The following ADM variants were observed in gnomAD, a reference collection of about 807,000 sequenced individuals.
ADM encodes pro-adrenomedullin.
Under a neutral mutation model 9.0 loss-of-function variants are expected in ADM, and 4 were observed. The observed-to-expected ratio is 0.44, with a 90% CI of 0.22 to 1.02. The LOEUF is 1.02. ADM is among the 50% of genes least tolerant of loss of function. The pLI is 0.24. For synonymous variants in ADM, 107 were observed against 107.2 expected (o/e 1.00, Z 0.01); for missense variants, 253 against 254.1 (o/e 1.00, Z 0.03).
chr11:10,305,654 G>T (rs1964645494), intron 1 of ADM, 26 bp from the exon 2 acceptor site: 4 of 1,593,066 alleles, frequency 2.5e-6, no homozygotes, highest in Middle Eastern at 1.7e-4. Context: ...GGGTGCTCAC[G>T]CTCGACTCTC....
chr11:10,306,211 A>G, intron 3 of ADM, 113 bp downstream of exon 3: 1 of 1,536,682 alleles, frequency 6.5e-7, no homozygotes. Context: ...CGCAGCTCAG[A>G]TGGCGCGAGC....
At position 10,306,711 on chromosome 11, in the gene ADM, T is replaced by A. The variant is rs1036867976; in HGVS notation, c.*70T>A. The A allele has an allele frequency of 2.8e-6, 4 of 1,448,570 alleles. No individual in the cohort carries two copies. Among genetic ancestry groups the A allele is most frequent in the Non-Finnish European group, 3.7e-6 (4 of 1,085,730 alleles). The allele number at this position is 1,448,570 out of a possible 1,614,324, so 89.7% of individuals were successfully genotyped here. A position where few individuals can be genotyped will look rare whatever the true frequency, so the allele number is the denominator to read the frequency against. On this transcript the variant is annotated 3_prime_UTR_variant, in exon 4 of 4. Coordinates refer to ENST00000278175, the MANE Select transcript of ADM (RefSeq NM_001124.3). ...GCTGGTGCCTCCCGGGACGAAGGAC[T>A]TCCCGAGCGGTGTGGGGACCGGGCT...
At position 10,305,529 on chromosome 11, in the gene ADM, C is replaced by A. The variant is rs1964643464; in HGVS notation, c.-21-151C>A. On this transcript the variant is annotated intron_variant, in intron 1 of 3. Coordinates refer to ENST00000278175, the MANE Select transcript of ADM (RefSeq NM_001124.3). ...GGCCGGCGCGTGCAAACGCCTCTGG[C>A]GCCTCTCTGCGCGGAGGGAGATAAG... The A allele has an allele frequency of 7.7e-6, 5 of 651,608 alleles. No individual in the cohort carries two copies. In the South Asian group the frequency reaches 9.8e-5, roughly 13 times the overall value. The allele number at this position is 651,608 out of a possible 1,614,324, so 40.4% of individuals were successfully genotyped here.
Position 10,306,700 on chromosome 11 carries a change from G to GGACGAAGGACTTCCCGA in ADM, c.*61_*77dup. 1 of 1,473,096 alleles carries GGACGAAGGACTTCCCGA rather than the reference G, an allele frequency of 6.8e-7. No homozygotes were observed. The highest frequency in any genetic ancestry group is 9.0e-7 in the Non-Finnish European group (1 of 1,105,512). The allele number at this position is 1,473,096 out of a possible 1,614,324, so 91.3% of individuals were successfully genotyped here. On this transcript the variant is annotated 3_prime_UTR_variant, in exon 4 of 4. Coordinates refer to ENST00000278175, the MANE Select transcript of ADM (RefSeq NM_001124.3). Reference sequence around the variant, plus strand: ...GCAAGCATCCCGCTGGTGCCTCCCGGGACGAAGGACTTCCCGAGCGGTGTG... The same window carrying GGACGAAGGACTTCCCGA: ...GCAAGCATCCCGCTGGTGCCTCCCGGGACGAAGGACTTCCCGAGACGAAGGACTTCCCGAGCGGTGTG...
chr11:10,305,554 G>A (rs930603527), intron 1 of ADM, 126 bp from the exon 2 acceptor site: 17 of 736,544 alleles, frequency 2.3e-5, no homozygotes, highest in Non-Finnish European at 3.5e-5. Flanking sequence ...AGGGAGATAA[G>A]CGTCTGAGCC....
rs781581911 is a variant in ADM, at chr11:10,305,911, C to T, written c.99-38C>T. On this transcript the variant is annotated intron_variant, in intron 2 of 3. Coordinates refer to ENST00000278175, the MANE Select transcript of ADM (RefSeq NM_001124.3). Reference sequence around the variant, plus strand: ...GAGCAGGGACAGGCCTGGGCGTCACCTGAACGCACGCGAATCGGGTCTGCT... The same window carrying T: ...GAGCAGGGACAGGCCTGGGCGTCACTTGAACGCACGCGAATCGGGTCTGCT... The T allele has an allele frequency of 3.1e-6, 5 of 1,612,872 alleles. No homozygotes were observed. The South Asian group carries it at 5.5e-5, about 18-fold the overall frequency.
intron 1 of ADM, 146 bp from the exon 2 acceptor site, chr11:10,305,534 C>G: frequency 1.5e-6 from 1 of 674,808 alleles, no homozygotes. Flanking sequence ...TCTGGCGCCT[C>G]TCTGCGCGGA....
chr11:10,305,395 C>T, intron 1 of ADM, 166 bp downstream of exon 1: 1 of 420,146 alleles, frequency 2.4e-6, no homozygotes, highest in Non-Finnish European at 4.4e-6. Flanking sequence ...AGCTGGAGGT[C>T]CAGAGACCCA....
chr11:10,305,839 A>G (rs750438031), intron 2 of ADM, 41 bp downstream of exon 2: 2 of 1,612,206 alleles, frequency 1.2e-6, no homozygotes, highest in African/African-American at 2.7e-5. Flanking sequence ...GGTACCTGGC[A>G]GGCAAGGGGA....
Position 10,306,056 on chromosome 11 carries a change from G to A in ADM, c.206G>A (p.Arg69Gln), listed in dbSNP as rs771734789. ...GCCGGGCCTGCCCAGACCCTTATTC[G>A]GCCCCAGGACATGAAGGGTGCCTCT... ...VKAGPAQTLI[R>Q]PQDMKGASRS... is the part of the protein sequence containing the mutation. Residue 69 changes from arginine to glutamine, a missense_variant, in exon 3 of 4, where the codon CGG becomes CAG. By Grantham distance (43) the Arg-to-Gln change is conservative. Transcript: ENST00000278175. The A allele has an allele frequency of 4.3e-6, 7 of 1,613,900 alleles. No individual in the cohort carries two copies. In the East Asian group the frequency reaches 1.1e-4, roughly 26 times the overall value.
Position 10,306,740 on chromosome 11 carries a change from A to T in ADM, c.*99A>T, listed in dbSNP as rs890643904. 7 of 1,300,584 alleles carry T rather than the reference A, an allele frequency of 5.4e-6. No homozygotes were observed. The African/African-American group carries it at 1.1e-4, about 20-fold the overall frequency. The allele number at this position is 1,300,584 out of a possible 1,614,324, so 80.6% of individuals were successfully genotyped here. A position where few individuals can be genotyped will look rare whatever the true frequency, so the allele number is the denominator to read the frequency against. On this transcript the variant is annotated 3_prime_UTR_variant, in exon 4 of 4. Transcript: ENST00000278175. ...CGAGCGGTGTGGGGACCGGGCTCTG[A>T]CAGCCCTGCGGAGACCCTGAGTCCG...
At position 10,306,770 on chromosome 11, in the gene ADM, G is replaced by T; in HGVS notation, c.*129G>T. ...CCTGCGGAGACCCTGAGTCCGGGAG[G>T]CACCGTCCGGCGGCGAGCTCTGGCT... On this transcript the variant is annotated 3_prime_UTR_variant, in exon 4 of 4. Transcript: ENST00000278175. 1.1e-6 allele frequency: 1 copy of T among 940,852 alleles called. No individual in the cohort carries two copies. Among genetic ancestry groups the T allele is most frequent in the Non-Finnish European group, 1.5e-6 (1 of 663,646 alleles). The allele number at this position is 940,852 out of a possible 1,614,324, so 58.3% of individuals were successfully genotyped here. A position where few individuals can be genotyped will look rare whatever the true frequency, so the allele number is the denominator to read the frequency against.
chr11:10,305,792 G>A lies in ADM; in HGVS notation c.92G>A (p.Arg31Gln), dbSNP rs1964648298. The stretch of plus-strand genomic sequence containing the variant: ...CGGTTGGATGTCGCGTCGGAGTTTC[G>A]AAAGAAGTGAGTCCGGGCAGCGCCT... ...TARLDVASEF[R>Q]KKWNKWALSR... The change falls in exon 2 of 4, where the codon CGA (arginine) becomes CAA (glutamine). Residue 31 changes from arginine to glutamine, a missense_variant. By Grantham distance (43) the Arg-to-Gln change is conservative. Coordinates refer to ENST00000278175, the MANE Select transcript of ADM (RefSeq NM_001124.3). The A allele has an allele frequency of 1.2e-6, 2 of 1,614,020 alleles. No individual in the cohort carries two copies. Among genetic ancestry groups the A allele is most frequent in the South Asian group, 2.2e-5 (2 of 91,088 alleles).
In ADM at chr11:10,306,317, T is replaced by TGGG; in HGVS notation, c.249-15_249-14insGGG. On this transcript the variant is annotated splice_polypyrimidine_tract_variant and intron_variant, in intron 3 of 3. Coordinates refer to ENST00000278175, the MANE Select transcript of ADM (RefSeq NM_001124.3). Reference sequence around the variant, plus strand: ...GGTCTCAAGTTGCCTTTCTTCCCCCTCCCCCCGCCCGCAGCAGTCCGGATG... The same window carrying TGGG: ...GGTCTCAAGTTGCCTTTCTTCCCCCTGGGCCCCCCGCCCGCAGCAGTCCGGATG... 4.7e-6 allele frequency: 3 copies of TGGG among 636,160 alleles called. No homozygotes were observed. The highest frequency in any genetic ancestry group is 7.3e-6 in the Non-Finnish European group (3 of 411,104). 39.4% of individuals were successfully genotyped at this position (636,160 alleles called of 1,614,324 possible).
chr11:10,305,434 A>C (rs1369570087), intron 1 of ADM: 2 of 508,854 alleles, frequency 3.9e-6, no homozygotes, highest in Non-Finnish European at 7.1e-6. Context: ...GCCAAGTTCC[A>C]AGAAGTTGAG....
chr11:10,306,567 A>T lies in ADM; in HGVS notation c.484A>T (p.Thr162Ser). The change falls in exon 4 of 4, where the codon ACT (threonine) becomes TCT (serine). Residue 162 changes from threonine to serine, a missense_variant. By Grantham distance (58) the Thr-to-Ser change is moderately conservative. Coordinates refer to ENST00000278175, the MANE Select transcript of ADM (RefSeq NM_001124.3). Reference sequence around the variant, plus strand: ...CCTGCCCGAGGCCGGCCCGGGTCGGACTCTGGTGTCTTCTAAGCCACAAGC... The same window carrying T: ...CCTGCCCGAGGCCGGCCCGGGTCGGTCTCTGGTGTCTTCTAAGCCACAAGC... ...RSLPEAGPGR[T>S]LVSSKPQAHG... The T allele has an allele frequency of 6.2e-7, 1 of 1,611,626 alleles. No homozygotes were observed. The highest frequency in any genetic ancestry group is 8.5e-7 in the Non-Finnish European group (1 of 1,179,188).
Position 10,307,391 on chromosome 11 carries a change from A to G in ADM, c.*750A>G, listed in dbSNP as rs1964674708. On this transcript the variant is annotated 3_prime_UTR_variant, in exon 4 of 4. Coordinates refer to ENST00000278175, the MANE Select transcript of ADM (RefSeq NM_001124.3). The surrounding 1 kb of genome is among the most constrained non-coding windows in gnomAD (Gnocchi z 4.5). ...AACAGCAAACCAATAAACTGTCTCA[A>G]TGCTGATTCATTCTCTCGGCTCGGC... The G allele has an allele frequency of 1.3e-5, 2 of 152,612 alleles. No homozygotes were observed. The highest frequency in any genetic ancestry group is 2.4e-5 in the African/African-American group (1 of 41,462). The allele number at this position is 152,612 out of a possible 1,614,324, so 9.5% of individuals were successfully genotyped here. A position where few individuals can be genotyped will look rare whatever the true frequency, so the allele number is the denominator to read the frequency against.
Position 10,306,312 on chromosome 11 carries a change from C to CGGGCG in ADM, c.249-20_249-19insGGGCG. On this transcript the variant is annotated intron_variant, in intron 3 of 3. Transcript: ENST00000278175. Reference sequence around the variant, plus strand: ...GATGGGGTCTCAAGTTGCCTTTCTTCCCCCTCCCCCCGCCCGCAGCAGTCC... The same window carrying CGGGCG: ...GATGGGGTCTCAAGTTGCCTTTCTTCGGGCGCCCCTCCCCCCGCCCGCAGCAGTCC... 1.4e-5 allele frequency: 10 copies of CGGGCG among 705,880 alleles called. No individual in the cohort carries two copies. The highest frequency in any genetic ancestry group is 2.7e-5 in the South Asian group (2 of 73,692). 43.7% of individuals were successfully genotyped at this position (705,880 alleles called of 1,614,324 possible). A position where few individuals can be genotyped will look rare whatever the true frequency, so the allele number is the denominator to read the frequency against.
rs1428235776 is a variant in ADM at position 10,306,039 on chromosome 11, T to G, written c.189T>G (p.Pro63=). Residue 63 remains proline, a synonymous_variant, in exon 3 of 4, where the codon CCT becomes CCG. Transcript: ENST00000278175. ...GGCTCGCTGACGTGAAGGCCGGGCCTGCCCAGACCCTTATTCGGCCCCAGG... is the reference window on the plus strand; with the variant it reads ...GGCTCGCTGACGTGAAGGCCGGGCCGGCCCAGACCCTTATTCGGCCCCAGG... The part of the protein sequence containing the change: ...PTGLADVKAG[P]AQTLIRPQDM... 1 of 1,614,106 alleles carries G rather than the reference T, an allele frequency of 6.2e-7. No homozygotes were observed. The highest frequency in any genetic ancestry group is 2.2e-5 in the East Asian group (1 of 44,844).
Sources: gnomAD v4.1 joint callset for allele counts on GRCh38, gnomAD v4.1.1 for gene constraint, Gnocchi (gnomAD v3.1) non-coding constraint, MANE v1.5 for transcripts, NCBI Gene and HGNC (gene_info 2026-07-23, HGNC 2026-07-21) for gene names.